Variants in MTHFD1 observed in about 807,000 individuals in gnomAD.
MTHFD1 encodes C-1-tetrahydrofolate synthase, cytoplasmic.
MTHFD1 carries 44 observed loss-of-function variants against 110.3 expected under a neutral mutation model. That is an observed-to-expected ratio of 0.40 (90% CI 0.31 to 0.51). The LOEUF is 0.51. Among genes scored for constraint, MTHFD1 ranks in the 20% least tolerant of loss-of-function variants. MTHFD1 has a pLI of 0.60. For synonymous variants in MTHFD1, 402 were observed against 428.8 expected (o/e 0.94, Z 0.77); for missense variants, 909 against 1,173.1 (o/e 0.77, Z 3.29).
chr14:64,447,149 CTTTT>C lies in MTHFD1; in HGVS notation c.2179-1046_2179-1043del, dbSNP rs35824559. On this transcript the variant is annotated intron_variant, in intron 22 of 27. Transcript: ENST00000652337. ...GTGAGCTACCACATCCAGCTCAGTT[CTTTT>C]TTTTTTTTTTTTTTTTTTTTTGAGA... Among the ~76,000 whole-genome samples the C allele has an allele frequency of 3.4e-4, 19 of 56,242 alleles. No homozygotes were observed. In the Admixed American group the frequency reaches 3.5e-3, roughly 10 times the overall value. The allele number at this position is 56,242 out of a possible 152,430, so 36.9% of individuals were successfully genotyped here. A position where few individuals can be genotyped will look rare whatever the true frequency, so the allele number is the denominator to read the frequency against.
Position 64,431,799 on chromosome 14 carries a change from C to T in MTHFD1, c.1432C>T (p.Arg478Cys). 4 of 1,614,112 alleles carry T rather than the reference C, an allele frequency of 2.5e-6. No individual in the cohort carries two copies. Among genetic ancestry groups the T allele is most frequent in the African/African-American group, 1.3e-5 (1 of 75,050 alleles). The part of the protein sequence containing the change: ...LTQTDKALFN[R>C]LVPSVNGVRR... ...TCTTTTCTTTAAGGCTCTCTTTAAT[C>T]GTTTGGTGCCATCAGTAAATGGAGT... The change falls in exon 15 of 28, where the codon CGT becomes TGT. Residue 478 changes from arginine (R) to cysteine (C), a missense_variant. By Grantham distance (180) the Arg-to-Cys change is radical. Around this residue, in one of 3 missense-constraint regions of MTHFD1, gnomAD observed 482 missense variants for 646.0 expected, o/e 0.75. Coordinates refer to ENST00000652337, the MANE Select transcript of MTHFD1 (RefSeq NM_005956.4).
chr14:64,441,246 A>G (rs1455078469), intron 18 of MTHFD1, 139 bp from the exon 19 acceptor site: 1 of 812,712 alleles, frequency 1.2e-6, no homozygotes, highest in African/African-American at 1.7e-5. Context: ...GAAAAAAACC[A>G]TGAATGGTCC....
At chr14:64,397,104 CAAAAAAAAAAAAAAAA>C (rs1189095379) in intron 1 of MTHFD1, among the ~76,000 whole-genome samples, 1,765 of 7,098 alleles carry the variant, frequency 0.25, 106 homozygotes, top group Non-Finnish European at 0.31. Context: ...GACTGCGTCT[CAAAAAAAAAAAAAAAA>C]AAAAAAAAAA....
At chr14:64,400,256 C>T (rs369610729) in intron 1 of MTHFD1, among the ~76,000 whole-genome samples, 97 of 152,142 alleles carry the variant, frequency 6.4e-4, no homozygotes, top group Middle Eastern at 3.4e-3. Flanking sequence ...GGCTTGGTGG[C>T]GCATGCCTGT....
intron 1 of MTHFD1, among the ~76,000 whole-genome samples, chr14:64,397,139 AT>A (rs1160083045): frequency 0.041 from 40 of 982 alleles, 1 homozygote; most frequent in Admixed American, 0.056. Flanking sequence ...AAAAAAAAAA[AT>A]ATATATATAT....
At chr14:64,397,549 T>G (rs1054960100) in intron 1 of MTHFD1, among the ~76,000 whole-genome samples, 1 of 152,156 alleles carries the variant, frequency 6.6e-6, no homozygotes. Context: ...TGCCTTGGCC[T>G]CCCAAAGTGC....
intron 4 of MTHFD1, among the ~76,000 whole-genome samples, chr14:64,413,821 T>TTTTTA (rs1491278584): frequency 1.3e-5 from 2 of 152,168 alleles, no homozygotes; most frequent in Admixed American, 1.3e-4. Flanking sequence ...TTCTTAGCTC[T>TTTTTA]TTTTATTTTA....
chr14:64,425,031 A>T, intron 9 of MTHFD1, 100 bp downstream of exon 9: 1 of 1,420,886 alleles, frequency 7.0e-7, no homozygotes, highest in Non-Finnish European at 9.8e-7. Flanking sequence ...ACTCAGAAGT[A>T]AAGATGTGAA....
intron 22 of MTHFD1, among the ~76,000 whole-genome samples, chr14:64,446,309 G>A (rs1212606677): frequency 1.3e-5 from 2 of 152,224 alleles, no homozygotes; most frequent in Admixed American, 6.5e-5. Flanking sequence ...TGCACCTTTA[G>A]TACATCTTGG....
chr14:64,415,799 G>A, intron 6 of MTHFD1, 60 bp downstream of exon 6: 1 of 1,533,052 alleles, frequency 6.5e-7, no homozygotes, highest in South Asian at 1.1e-5. Flanking sequence ...GTCTTGACAT[G>A]TGGTGGCATA....
intron 26 of MTHFD1, 135 bp downstream of exon 26, chr14:64,455,010 T>TCCACAGCAATCATAA: frequency 1.1e-6 from 1 of 876,764 alleles, no homozygotes; most frequent in Non-Finnish European, 1.9e-6. Flanking sequence ...CCTATTATGA[T>TCCACAGCAATCATAA]TGCTGTGGAT....
intron 26 of MTHFD1, 116 bp downstream of exon 26, chr14:64,454,991 G>A (rs2078445897): frequency 2.8e-6 from 3 of 1,061,306 alleles, no homozygotes; most frequent in Non-Finnish European, 4.4e-6. Context: ...GAAGAAAATT[G>A]GAATCGGGCC....
At chr14:64,434,663 T>C (rs2078189732) in intron 15 of MTHFD1, among the ~76,000 whole-genome samples, 1 of 152,166 alleles carries the variant, frequency 6.6e-6, no homozygotes, top group South Asian at 2.1e-4. Context: ...ACATTTCAAA[T>C]GTATACTTAT....
chr14:64,413,436 G>C (rs1218650793), intron 4 of MTHFD1, among the ~76,000 whole-genome samples: 2 of 152,146 alleles, frequency 1.3e-5, no homozygotes, highest in Non-Finnish European at 2.9e-5. Flanking sequence ...ATGAGGTTCA[G>C]GACTAGGCAG....
intron 4 of MTHFD1, among the ~76,000 whole-genome samples, chr14:64,413,117 C>T (rs1278373328): frequency 1.3e-5 from 2 of 150,840 alleles, no homozygotes; most frequent in South Asian, 2.1e-4. Context: ...TTTGGGAGGC[C>T]GAGGTGGGCA....
chr14:64,407,480 T>G (rs2077944102), intron 2 of MTHFD1, among the ~76,000 whole-genome samples: 2 of 145,472 alleles, frequency 1.4e-5, no homozygotes, highest in African/African-American at 5.5e-5. Flanking sequence ...AAAAAAAAAG[T>G]TTCTGGTAAG....
At chr14:64,421,110 T>C (rs2078066438) in intron 8 of MTHFD1, among the ~76,000 whole-genome samples, 1 of 152,178 alleles carries the variant, frequency 6.6e-6, no homozygotes, top group Non-Finnish European at 1.5e-5. Context: ...TCATGTCTGT[T>C]ATTCCTTCCA....
At chr14:64,404,912 A>G (rs2077925565) in intron 2 of MTHFD1, among the ~76,000 whole-genome samples, 1 of 152,100 alleles carries the variant, frequency 6.6e-6, no homozygotes, top group Non-Finnish European at 1.5e-5. Flanking sequence ...CAGAGGTTGC[A>G]GTGAGCTGAG....
intron 22 of MTHFD1, among the ~76,000 whole-genome samples, chr14:64,447,014 A>G (rs781679146): frequency 1.0e-3 from 158 of 151,772 alleles, no homozygotes; most frequent in Admixed American, 1.9e-3. Flanking sequence ...TAATTTTTTA[A>G]TTTTTTGTAG....
Sources: allele counts gnomAD v4.1 joint callset (sites outside exome capture counted in the v4.1 genomes callset), GRCh38; gene constraint gnomAD v4.1.1; regional missense constraint gnomAD v4.1.1; transcripts MANE v1.5; gene names NCBI Gene and HGNC (gene_info 2026-07-23, HGNC 2026-07-21).